DOCK2: variants seen among roughly 807,000 people sequenced by gnomAD.
DOCK2 encodes the protein dedicator of cytokinesis protein 2.
DOCK2 carries 87 observed loss-of-function variants against 248.9 expected under a neutral mutation model. That is an observed-to-expected ratio of 0.35 (90% CI 0.29 to 0.42). DOCK2 has a LOEUF of 0.42. Among genes scored for constraint, DOCK2 ranks in the 10% least tolerant of loss-of-function variants. DOCK2 has a pLI of 1.00. For missense variants in DOCK2, 1,747 were observed against 2,300.2 expected, an observed-to-expected ratio of 0.76 and a Z score of 4.92; for synonymous variants, 805 against 821.6, an observed-to-expected ratio of 0.98 and a Z score of 0.35.
At chr5:170,070,792 G>A (rs561458062) in intron 46 of DOCK2, among the ~76,000 whole-genome samples, 6 of 152,170 alleles carry the variant, frequency 3.9e-5, no homozygotes, top group Non-Finnish European at 8.8e-5. Context: ...TCCATGCTGT[G>A]TTTACTGTAC....
At chr5:170,050,049 C>T (rs1269693865) in intron 40 of DOCK2, among the ~76,000 whole-genome samples, 1 of 152,206 alleles carries the variant, frequency 6.6e-6, no homozygotes, top group Admixed American at 6.5e-5. Flanking sequence ...ATCTTCCCTT[C>T]CTCTAGACCC....
intron 22 of DOCK2, among the ~76,000 whole-genome samples, chr5:169,730,950 C>G (rs965113272): frequency 6.6e-6 from 1 of 152,088 alleles, no homozygotes; most frequent in Non-Finnish European, 1.5e-5. Flanking sequence ...GGCATGATCA[C>G]AGCTCACTGT....
rs1435170150 is a variant in DOCK2 at position 169,802,307 on chromosome 5, G to A, written c.2555-751G>A. ...CTCCCAAAGAGCTGGGATTACAGGCGCATGTCACCATGCCCAACTAATTTT... is the reference window on the plus strand; with the variant it reads ...CTCCCAAAGAGCTGGGATTACAGGCACATGTCACCATGCCCAACTAATTTT... On this transcript the variant is annotated intron_variant, in intron 25 of 51. Transcript: ENST00000520908. Among the ~76,000 whole-genome samples, 9 of 152,242 alleles carry A rather than the reference G, an allele frequency of 5.9e-5. No homozygotes were observed. The South Asian group carries it at 1.0e-3, about 18-fold the overall frequency.
At chr5:170,078,704 C>T (rs1243103207) in intron 48 of DOCK2, among the ~76,000 whole-genome samples, 3 of 152,248 alleles carry the variant, frequency 2.0e-5, no homozygotes, top group Non-Finnish European at 4.4e-5. Context: ...CCAGTCTTCT[C>T]TCCTCACCAC....
intron 33 of DOCK2, among the ~76,000 whole-genome samples, chr5:170,027,030 G>T (rs1755941609): frequency 6.6e-6 from 1 of 151,006 alleles, no homozygotes. Flanking sequence ...AATGGCATCA[G>T]GTCTCTGTCT....
intron 44 of DOCK2, among the ~76,000 whole-genome samples, chr5:170,066,050 C>T (rs1757483604): frequency 6.7e-6 from 1 of 149,394 alleles, no homozygotes; most frequent in South Asian, 2.1e-4. Context: ...CTCCTGGGCT[C>T]ATGCCATTCT....
intron 27 of DOCK2, among the ~76,000 whole-genome samples, chr5:169,928,479 A>G (rs146112386): frequency 6.6e-6 from 1 of 152,288 alleles, no homozygotes; most frequent in Non-Finnish European, 1.5e-5. Flanking sequence ...TCGCTTCCCC[A>G]TGCATCAGTG....
chr5:169,960,257 A>C (rs1777031835), intron 27 of DOCK2, among the ~76,000 whole-genome samples: 2 of 152,228 alleles, frequency 1.3e-5, no homozygotes. Context: ...GTCAAAAGAT[A>C]AAACCTCTGT....
intron 14 of DOCK2, among the ~76,000 whole-genome samples, chr5:169,703,720 T>G (rs1324653733): frequency 6.6e-6 from 1 of 152,242 alleles, no homozygotes; most frequent in Non-Finnish European, 1.5e-5. Context: ...CTCCTTTTGT[T>G]GCAGTCTGAA....
At chr5:169,971,824 C>T (rs866184507) in intron 27 of DOCK2, among the ~76,000 whole-genome samples, 1 of 152,216 alleles carries the variant, frequency 6.6e-6, no homozygotes, top group Non-Finnish European at 1.5e-5. Context: ...TATTCTTCCC[C>T]TCTAAATATC....
rs1471951345 is a variant in DOCK2, at chr5:169,951,578, C to T, written c.2800-31490C>T. ...GGATCACACCCTGATCAGACCAGTGCACCCATTCATTCAACAGATAGTTAT... is the reference window on the plus strand; with the variant it reads ...GGATCACACCCTGATCAGACCAGTGTACCCATTCATTCAACAGATAGTTAT... On this transcript the variant is annotated intron_variant, in intron 27 of 51. Transcript: ENST00000520908. Among the ~76,000 whole-genome samples, 4 of 152,198 alleles carry T rather than the reference C, an allele frequency of 2.6e-5. No individual in the cohort carries two copies. In the East Asian group the frequency reaches 7.7e-4, roughly 29 times the overall value.
chr5:169,966,916 G>A (rs983635887), intron 27 of DOCK2, among the ~76,000 whole-genome samples: 11 of 152,136 alleles, frequency 7.2e-5, no homozygotes, highest in Admixed American at 1.3e-4. Context: ...CAATCCATGC[G>A]CCATCAAATT....
chr5:169,699,064 G>A (rs2113455945), intron 11 of DOCK2, among the ~76,000 whole-genome samples: 1 of 151,900 alleles, frequency 6.6e-6, no homozygotes, highest in African/African-American at 2.4e-5. Context: ...CTGAAGGCGT[G>A]TGATAACGAC....
chr5:169,864,137 G>T (rs747714801), intron 27 of DOCK2: 2 of 757,434 alleles, frequency 2.6e-6, no homozygotes, highest in South Asian at 1.8e-5. Context: ...CAGCTCCAAG[G>T]CTCTTCTGTT....
In DOCK2 at chr5:169,824,531, C is replaced by T. The variant is rs1289412836; in HGVS notation, c.2704-16226C>T. On this transcript the variant is annotated intron_variant, in intron 26 of 51. Transcript: ENST00000520908. ...AAAACAAGCAATGGGGAAAGGATTCCCTATTTAATAAATGGTGCTGGGAAA... is the reference window on the plus strand; with the variant it reads ...AAAACAAGCAATGGGGAAAGGATTCTCTATTTAATAAATGGTGCTGGGAAA... Among the ~76,000 whole-genome samples the T allele has an allele frequency of 7.2e-5, 11 of 152,272 alleles. No individual in the cohort carries two copies. The East Asian group carries it at 2.1e-3, about 29-fold the overall frequency.
chr5:169,817,869 T>A (rs1440584358), intron 26 of DOCK2, among the ~76,000 whole-genome samples: 1 of 152,238 alleles, frequency 6.6e-6, no homozygotes, highest in African/African-American at 2.4e-5. Flanking sequence ...GTTTGACTGA[T>A]CCTCCCATCT....
chr5:169,639,969 G>A (rs911194748), intron 1 of DOCK2, among the ~76,000 whole-genome samples: 1 of 152,164 alleles, frequency 6.6e-6, no homozygotes, highest in Non-Finnish European at 1.5e-5. Flanking sequence ...ACCAGGGTTG[G>A]CTTGTCTCAT....
intron 27 of DOCK2, among the ~76,000 whole-genome samples, chr5:169,972,227 T>C (rs956586972): frequency 1.3e-5 from 2 of 152,256 alleles, no homozygotes; most frequent in African/African-American, 2.4e-5. Flanking sequence ...TCTACCCTCA[T>C]AGATTGTTCC....
At chr5:169,868,626 T>G (rs1267552103) in intron 27 of DOCK2, among the ~76,000 whole-genome samples, 1 of 152,114 alleles carries the variant, frequency 6.6e-6, no homozygotes, top group East Asian at 1.9e-4. Flanking sequence ...TGTGTGGTGG[T>G]GTGCAACTGT....
Sources: gnomAD v4.1 joint callset for allele counts (sites outside exome capture counted in the v4.1 genomes callset) on GRCh38, gnomAD v4.1.1 for gene constraint, MANE v1.5 for transcripts, NCBI Gene and HGNC (gene_info 2026-07-23, HGNC 2026-07-21) for gene names.